Variants in MTHFD1L observed in about 807,000 individuals in gnomAD.
The protein encoded by MTHFD1L is monofunctional C1-tetrahydrofolate synthase, mitochondrial.
A neutral mutation model predicts 119.5 loss-of-function variants in MTHFD1L; 81 were observed. The observed-to-expected ratio is 0.68, with a 90% CI of 0.57 to 0.82. MTHFD1L has a LOEUF of 0.82. MTHFD1L is among the 40% of genes least tolerant of loss of function. The pLI is 0.00. For synonymous variants in MTHFD1L, 430 were observed against 475.2 expected, an observed-to-expected ratio of 0.90 and a Z score of 1.24; for missense variants, 1,125 against 1,253.4, an observed-to-expected ratio of 0.90 and a Z score of 1.55.
At chr6:150,902,151 A>G (rs1353792001) in intron 7 of MTHFD1L, among the ~76,000 whole-genome samples, 3 of 152,156 alleles carry the variant, frequency 2.0e-5, no homozygotes, top group Non-Finnish European at 4.4e-5. Flanking sequence ...ACAAAATTAT[A>G]ATATTCTGTA....
intron 26 of MTHFD1L, among the ~76,000 whole-genome samples, chr6:151,080,913 G>C (rs1319754937): frequency 6.6e-6 from 1 of 152,160 alleles, no homozygotes; most frequent in Non-Finnish European, 1.5e-5. Context: ...TGTTTTTTGT[G>C]TTTGTTTTGA....
At chr6:150,961,787 A>G (rs1193471802) in intron 18 of MTHFD1L, among the ~76,000 whole-genome samples, 2 of 152,172 alleles carry the variant, frequency 1.3e-5, no homozygotes, top group Non-Finnish European at 2.9e-5. Flanking sequence ...TTGAAGAGAA[A>G]ACCCTCAGGT....
chr6:151,067,212 T>A (rs6904221), intron 26 of MTHFD1L, among the ~76,000 whole-genome samples: 55,183 of 151,610 alleles, frequency 0.36, 12,105 homozygotes, highest in East Asian at 0.69. Context: ...CAGGCTGGTC[T>A]TGAACTCCTG....
chr6:150,997,761 A>G (rs1445164383), intron 20 of MTHFD1L, among the ~76,000 whole-genome samples: 2 of 152,244 alleles, frequency 1.3e-5, no homozygotes, highest in African/African-American at 4.8e-5. Context: ...ACTGCACTCC[A>G]GCCTGTCTCA....
intron 10 of MTHFD1L, among the ~76,000 whole-genome samples, chr6:150,923,389 T>C (rs140631798): frequency 6.6e-6 from 1 of 152,046 alleles, no homozygotes; most frequent in Non-Finnish European, 1.5e-5. Context: ...TCCAAGGAAT[T>C]GGCCCCACCC....
At chr6:150,902,096 G>A (rs1303198547) in intron 7 of MTHFD1L, among the ~76,000 whole-genome samples, 2 of 152,042 alleles carry the variant, frequency 1.3e-5, no homozygotes, top group Admixed American at 6.6e-5. Context: ...AGAGGGTAGC[G>A]CTGTATTTAG....
intron 11 of MTHFD1L, chr6:150,935,635 T>C: frequency 8.3e-7 from 1 of 1,199,478 alleles, no homozygotes; most frequent in East Asian, 2.4e-5. Context: ...TAGAAGAGTG[T>C]CTACAGCGTG....
intron 26 of MTHFD1L, chr6:151,088,317 A>G (rs999870278): frequency 1.3e-5 from 2 of 152,202 alleles, no homozygotes; most frequent in African/African-American, 4.8e-5. Flanking sequence ...ACTTCTTGGA[A>G]GAGATGATTG....
rs558750083 is a variant in MTHFD1L, at chr6:150,983,811, C to A, written c.2125+11753C>A. On this transcript the variant is annotated intron_variant, in intron 20 of 27. Transcript: ENST00000367321. Reference sequence around the variant, plus strand: ...TTGTTTTGTTTTTAATTTTTTGAGACAGAGTCTCGTTCTATCCCCCAGGCT... The same window carrying A: ...TTGTTTTGTTTTTAATTTTTTGAGAAAGAGTCTCGTTCTATCCCCCAGGCT... 1.1e-3 allele frequency among the ~76,000 whole-genome samples: 163 copies of A among 152,252 alleles called. 2 individuals carry two copies. Among genetic ancestry groups the A allele is most frequent in the African/African-American group, 3.8e-3 (158 of 41,560 alleles).
intron 20 of MTHFD1L, among the ~76,000 whole-genome samples, chr6:150,980,418 C>T (rs1777283820): frequency 6.6e-6 from 1 of 152,174 alleles, no homozygotes; most frequent in Admixed American, 6.5e-5. Flanking sequence ...CTCTTTCAAG[C>T]TGCTCCTCTG....
At chr6:150,968,155 A>G (rs1738566) in intron 19 of MTHFD1L, among the ~76,000 whole-genome samples, 66,000 of 151,754 alleles carry the variant, frequency 0.43, 15,707 homozygotes, top group South Asian at 0.56. Context: ...CTCTGCTGTC[A>G]TTGCAGTACA....
At chr6:150,914,224 G>C (rs981917700) in intron 8 of MTHFD1L, among the ~76,000 whole-genome samples, 1 of 152,238 alleles carries the variant, frequency 6.6e-6, no homozygotes, top group African/African-American at 2.4e-5. Flanking sequence ...TTGAGCCTGG[G>C]AGGCGGGGGT....
intron 26 of MTHFD1L, among the ~76,000 whole-genome samples, chr6:151,040,271 C>T (rs1389591345): frequency 6.6e-6 from 1 of 152,208 alleles, no homozygotes; most frequent in Non-Finnish European, 1.5e-5. Context: ...CTACAGGGAG[C>T]CCCAACTTTA....
chr6:151,050,938 T>C lies in MTHFD1L; in HGVS notation c.2847+13821T>C, dbSNP rs145010595. Among the ~76,000 whole-genome samples the C allele has an allele frequency of 5.1e-3, 773 of 152,234 alleles. 2 individuals are homozygous for C. Among genetic ancestry groups the C allele is most frequent in the Non-Finnish European group, 8.9e-3 (603 of 68,000 alleles). ...GTTCACCTCCCTCCTGGCACAAGGA[T>C]GCCTTCACCAACCCAGAAACTCATC... On this transcript the variant is annotated intron_variant, in intron 26 of 27. Transcript: ENST00000367321.
chr6:150,879,855 C>G (rs1781115798), intron 4 of MTHFD1L, among the ~76,000 whole-genome samples: 1 of 152,146 alleles, frequency 6.6e-6, no homozygotes, highest in Non-Finnish European at 1.5e-5. Context: ...TCTCGAACTC[C>G]TGACCTCAGG....
chr6:151,051,007 C>T (rs552066555), intron 26 of MTHFD1L, among the ~76,000 whole-genome samples: 4 of 152,150 alleles, frequency 2.6e-5, no homozygotes, highest in African/African-American at 7.2e-5. Context: ...CTCCACTCCC[C>T]GCCCTCCACC....
chr6:151,072,166 A>G (rs1792022792), intron 26 of MTHFD1L, among the ~76,000 whole-genome samples: 1 of 109,842 alleles, frequency 9.1e-6, no homozygotes, highest in Admixed American at 1.1e-4. Context: ...AAAGACTGCA[A>G]ACCTTTTTAT....
chr6:151,079,238 G>T (rs367970792), intron 26 of MTHFD1L, among the ~76,000 whole-genome samples: 1 of 151,708 alleles, frequency 6.6e-6, no homozygotes, highest in Non-Finnish European at 1.5e-5. Flanking sequence ...GGAGCTGGAG[G>T]GGGTGGGGAG....
intron 24 of MTHFD1L, among the ~76,000 whole-genome samples, chr6:151,029,674 T>G (rs1048277696): frequency 5.9e-5 from 9 of 152,084 alleles, no homozygotes; most frequent in African/African-American, 2.2e-4. Flanking sequence ...CACATGCCTG[T>G]AATCCCAGCT....
Sources: allele counts gnomAD v4.1 joint callset (sites outside exome capture counted in the v4.1 genomes callset), GRCh38; gene constraint gnomAD v4.1.1; transcripts MANE v1.5; gene names NCBI Gene and HGNC (gene_info 2026-07-23, HGNC 2026-07-21).